EPHA4: variants seen among roughly 807,000 people sequenced by gnomAD.
The protein encoded by EPHA4 is EPH receptor A4.
In EPHA4, 19 loss-of-function variants were observed where a neutral mutation model predicts 108.3. The observed-to-expected ratio is 0.18, with a 90% confidence interval of 0.12 to 0.26. The LOEUF (loss-of-function observed/expected upper bound fraction) is 0.26, where lower values mean the gene tolerates loss of function less well. Among genes scored for constraint, EPHA4 ranks in the 10% least tolerant of loss-of-function variants. EPHA4 has a pLI of 1.00. For missense variants in EPHA4, 917 were observed against 1,254.0 expected, an observed-to-expected ratio of 0.73 and a Z score of 4.06; for synonymous variants, 449 against 455.5, an observed-to-expected ratio of 0.99 and a Z score of 0.18.
Position 221,446,099 on chromosome 2 carries a change from A to T in EPHA4, c.1774+24T>A, listed in dbSNP as rs777992982. The T allele has an allele frequency of 2.0e-6, 3 of 1,504,948 alleles. No homozygotes were observed. In the South Asian group the frequency reaches 4.1e-5, roughly 21 times the overall value. The allele number at this position is 1,504,948 out of a possible 1,614,324, so 93.2% of individuals were successfully genotyped here. A position where few individuals can be genotyped will look rare whatever the true frequency, so the allele number is the denominator to read the frequency against. ...ACGTGTGACATGCTCTAAAAATAGAATTTTTTAATCCAATTTTTTGTACCT... is the reference window on the plus strand; with the variant it reads ...ACGTGTGACATGCTCTAAAAATAGATTTTTTTAATCCAATTTTTTGTACCT... On this transcript the variant is annotated intron_variant, in intron 9 of 17. Coordinates refer to ENST00000281821, the MANE Select transcript of EPHA4 (RefSeq NM_004438.5).
intron 3 of EPHA4, among the ~76,000 whole-genome samples, chr2:221,551,310 G>C (rs994206739): frequency 1.3e-5 from 2 of 152,100 alleles, no homozygotes; most frequent in Non-Finnish European, 2.9e-5. Context: ...TAACCAGCTA[G>C]AAGATATAAT....
At chr2:221,501,560 T>C (rs1692490787) in intron 3 of EPHA4, among the ~76,000 whole-genome samples, 1 of 152,160 alleles carries the variant, frequency 6.6e-6, no homozygotes, top group African/African-American at 2.4e-5. Flanking sequence ...AATTTCAGCT[T>C]TGAGCAGTTA....
rs780599857 is a variant in EPHA4, at chr2:221,426,558, C to T, written c.2752G>A (p.Asp918Asn). The T allele has an allele frequency of 9.3e-6, 15 of 1,614,054 alleles. No individual in the cohort carries two copies. The highest frequency in any genetic ancestry group is 1.6e-4 in the Middle Eastern group (1 of 6,062). ...PEFSAVVSVGDWLQAIKMDRY... is the reference protein window; with the variant it reads ...PEFSAVVSVGNWLQAIKMDRY... ...TCCATTTTAATGGCCTGGAGCCAAT[C>T]GCCCACTGATACCACAGCAGAGAAT... The change falls in exon 16 of 18, where the codon GAT becomes AAT. Residue 918 changes from aspartate to asparagine, a missense_variant. Physicochemically the swap from Asp to Asn is conservative, Grantham distance 23. Transcript: ENST00000281821.
intron 9 of EPHA4, among the ~76,000 whole-genome samples, chr2:221,444,744 CTT>C (rs71266317): frequency 2.6e-3 from 198 of 74,964 alleles, no homozygotes; most frequent in African/African-American, 5.2e-3. Flanking sequence ...TTTTTTCTAT[CTT>C]TTTTTTTTTT....
chr2:221,562,138 T>C (rs1694486158), intron 3 of EPHA4, among the ~76,000 whole-genome samples: 1 of 152,116 alleles, frequency 6.6e-6, no homozygotes, highest in Non-Finnish European at 1.5e-5. Flanking sequence ...AAACCAAAAA[T>C]CGAGGCCTTA....
chr2:221,456,551 G>A, intron 7 of EPHA4, 62 bp downstream of exon 7: 1 of 1,534,490 alleles, frequency 6.5e-7, no homozygotes, highest in Non-Finnish European at 8.9e-7. Flanking sequence ...TCACTGTAAT[G>A]GGATTCAGCT....
intron 5 of EPHA4, among the ~76,000 whole-genome samples, chr2:221,465,048 T>C (rs76774459): frequency 7.1e-6 from 1 of 140,226 alleles, no homozygotes; most frequent in Non-Finnish European, 1.5e-5. Context: ...GAGAGATGCA[T>C]TTTTTTTTTC....
intron 5 of EPHA4, among the ~76,000 whole-genome samples, chr2:221,459,675 G>A (rs1297178504): frequency 1.3e-5 from 2 of 152,078 alleles, no homozygotes; most frequent in African/African-American, 4.8e-5. Context: ...AGGTAGCAAG[G>A]AGGCTAAGAA....
upstream of EPHA4, chr2:221,572,981 CA>C: frequency 6.6e-6 from 1 of 152,536 alleles, no homozygotes. Flanking sequence ...TCACTGTCTC[CA>C]GAGACTGAAC....
chr2:221,464,731 C>T (rs559274560), intron 5 of EPHA4, among the ~76,000 whole-genome samples: 1 of 152,190 alleles, frequency 6.6e-6, no homozygotes, highest in Non-Finnish European at 1.5e-5. Context: ...CAACCACCCT[C>T]GCTGGACTCA....
At chr2:221,475,155 G>A (rs1392964118) in intron 5 of EPHA4, among the ~76,000 whole-genome samples, 2 of 152,224 alleles carry the variant, frequency 1.3e-5, no homozygotes, top group Admixed American at 6.5e-5. Context: ...ACAGGCGTGA[G>A]CCGCTGCACC....
At chr2:221,556,471 A>ATT (rs1225934215) in intron 3 of EPHA4, among the ~76,000 whole-genome samples, 23,076 of 113,586 alleles carry the variant, frequency 0.2, 2,027 homozygotes, top group African/African-American at 0.22. Flanking sequence ...TAATTTTTGT[A>ATT]TTTTTTTTTT....
At chr2:221,491,259 G>A (rs1692134320) in intron 4 of EPHA4, among the ~76,000 whole-genome samples, 1 of 152,168 alleles carries the variant, frequency 6.6e-6, no homozygotes, top group South Asian at 2.1e-4. Context: ...ACCAAGAAAA[G>A]TAGAATTGAG....
intron 5 of EPHA4, among the ~76,000 whole-genome samples, chr2:221,467,340 C>T (rs1691343264): frequency 6.6e-6 from 1 of 151,986 alleles, no homozygotes; most frequent in Non-Finnish European, 1.5e-5. Flanking sequence ...GTGTATATTT[C>T]ACAATAAAAA....
intron 5 of EPHA4, among the ~76,000 whole-genome samples, chr2:221,470,592 A>C (rs1691451642): frequency 1.5e-5 from 1 of 68,772 alleles, no homozygotes; most frequent in Non-Finnish European, 2.9e-5. Context: ...CTTTTCCCTA[A>C]AGTATCACTT....
intron 3 of EPHA4, among the ~76,000 whole-genome samples, chr2:221,536,936 G>A (rs1397174719): frequency 6.6e-6 from 1 of 152,198 alleles, no homozygotes; most frequent in African/African-American, 2.4e-5. Flanking sequence ...AAAATAAAGT[G>A]CTTAGCACAA....
chr2:221,489,318 G>A (rs1039800627), intron 4 of EPHA4, among the ~76,000 whole-genome samples: 6 of 152,204 alleles, frequency 3.9e-5, no homozygotes, highest in East Asian at 3.8e-4. Flanking sequence ...ACGGTGTAAC[G>A]TGCCATATAA....
At chr2:221,454,289 A>T (rs1463955397) in intron 8 of EPHA4, among the ~76,000 whole-genome samples, 1 of 152,080 alleles carries the variant, frequency 6.6e-6, no homozygotes, top group African/African-American at 2.4e-5. Context: ...AGGAAAGTAA[A>T]AGCATAGTGG....
chr2:221,510,553 T>C (rs905216963), intron 3 of EPHA4, among the ~76,000 whole-genome samples: 1 of 152,152 alleles, frequency 6.6e-6, no homozygotes, highest in Non-Finnish European at 1.5e-5. Context: ...TGAAAATGGA[T>C]TTGCTCTTTC....
Sources: allele counts gnomAD v4.1 joint callset (sites outside exome capture counted in the v4.1 genomes callset), GRCh38; gene constraint gnomAD v4.1.1; transcripts MANE v1.5; gene names NCBI Gene and HGNC (gene_info 2026-07-23, HGNC 2026-07-21).